The following PPP2R2B variants were observed in gnomAD, a reference collection of about 807,000 sequenced individuals.
PPP2R2B encodes protein phosphatase 2 regulatory subunit Bbeta.
In PPP2R2B, 5 loss-of-function variants were observed where a neutral mutation model predicts 46.0. The ratio of observed to expected loss-of-function variants is 0.11; its 90% CI spans 0.06 to 0.23. The LOEUF is 0.23. Among genes scored for constraint, PPP2R2B ranks in the 10% least tolerant of loss-of-function variants. The probability of loss-of-function intolerance (pLI) is 1.00; values close to 1 mark genes in which losing one functional copy is unlikely to be tolerated. For synonymous variants in PPP2R2B, 215 were observed against 206.7 expected (o/e 1.04, Z -0.34); for missense variants, 367 against 575.0 (o/e 0.64, Z 3.70).
chr5:146,598,962 G>A (rs1771508218), intron 8 of PPP2R2B, among the ~76,000 whole-genome samples: 3 of 152,114 alleles, frequency 2.0e-5, no homozygotes, highest in Non-Finnish European at 4.4e-5. Context: ...CACTTTGAAA[G>A]GCTGATTATT....
At position 146,590,179 on chromosome 5, in the gene PPP2R2B, C is replaced by T. The variant is rs1348897020; in HGVS notation, c.1100G>A (p.Arg367Lys). Residue 367 changes from arginine to lysine, a missense_variant, in exon 10 of 10, where the codon AGA (arginine) becomes AAA (lysine). By Grantham distance (26) the Arg-to-Lys change is conservative. Around this residue, in one of 2 missense-constraint regions of PPP2R2B, gnomAD observed 361 missense variants for 545.5 expected, o/e 0.66. Transcript: ENST00000394411. ...SYNNFFRMFD[R>K]NTKRDVTLEA... ...AAGGGTCACATCACGCTTGGTGTTTCTGTCGAACATCCTGAAGAAGTTGTT... is the reference window on the plus strand; with the variant it reads ...AAGGGTCACATCACGCTTGGTGTTTTTGTCGAACATCCTGAAGAAGTTGTT... The T allele has an allele frequency of 6.2e-6, 10 of 1,613,670 alleles. No homozygotes were observed. Among genetic ancestry groups the T allele is most frequent in the Non-Finnish European group, 8.5e-6 (10 of 1,180,002 alleles).
At chr5:147,057,188 C>T (rs1218244423), upstream of PPP2R2B, among the ~76,000 whole-genome samples, 1 of 152,198 alleles carries the variant, frequency 6.6e-6, no homozygotes, top group Non-Finnish European at 1.5e-5. Context: ...CACCAGTATG[C>T]CACTTCTCTG....
At chr5:146,931,383 C>T (rs1238756939) in intron 1 of PPP2R2B, among the ~76,000 whole-genome samples, 1 of 152,080 alleles carries the variant, frequency 6.6e-6, no homozygotes, top group Non-Finnish European at 1.5e-5. Flanking sequence ...TCACAATAGG[C>T]CTTCTTGGAA....
At chr5:146,969,857 T>C (rs1313103064) in intron 1 of PPP2R2B, among the ~76,000 whole-genome samples, 3 of 152,198 alleles carry the variant, frequency 2.0e-5, no homozygotes, top group Admixed American at 6.5e-5. Flanking sequence ...TGAGTTCTCT[T>C]TTAGATGGAT....
At chr5:146,873,328 A>G (rs1398455887) in intron 2 of PPP2R2B, among the ~76,000 whole-genome samples, 1 of 152,108 alleles carries the variant, frequency 6.6e-6, no homozygotes, top group South Asian at 2.1e-4. Context: ...CCCAACTTTC[A>G]TTCTTTTTCA....
At position 146,915,846 on chromosome 5, in the gene PPP2R2B, AT is replaced by A. The variant is rs201288645; in HGVS notation, c.79+139818del. Among the ~76,000 whole-genome samples, 125 of 152,328 alleles carry A rather than the reference AT, an allele frequency of 8.2e-4. No homozygotes were observed. In the East Asian group the frequency reaches 0.022, roughly 26 times the overall value. The stretch of plus-strand genomic sequence containing the variant: ...AAAATCATTAACCAAGACAAAAAAA[AT>A]CAATTTCAACACTGTTACAACATCT... On this transcript the variant is annotated intron_variant, in intron 1 of 8. Coordinates refer to the PPP2R2B transcript ENST00000336640.
chr5:146,589,946 C>A lies in PPP2R2B; in HGVS notation c.*1G>T. On this transcript the variant is annotated 3_prime_UTR_variant, in exon 10 of 10. Transcript: ENST00000394411. ...AGATTATTAAGTAATAACTTGTCCA[C>A]CTAGTTAACCTTGTCCTGGAATATA... 6.2e-7 allele frequency: 1 copy of A among 1,611,462 alleles called. No individual in the cohort carries two copies. The highest frequency in any genetic ancestry group is 8.5e-7 in the Non-Finnish European group (1 of 1,177,710).
At chr5:146,798,070 C>G (rs1756651025) in intron 2 of PPP2R2B, among the ~76,000 whole-genome samples, 1 of 152,158 alleles carries the variant, frequency 6.6e-6, no homozygotes, top group African/African-American at 2.4e-5. Context: ...TTAGTCTCCT[C>G]CTCAGGAGCT....
At chr5:146,621,872 G>A (rs1289005681) in intron 7 of PPP2R2B, among the ~76,000 whole-genome samples, 2 of 152,336 alleles carry the variant, frequency 1.3e-5, no homozygotes, top group South Asian at 4.1e-4. Flanking sequence ...GGAGAGACAG[G>A]TTGTACTTGG....
At chr5:146,649,504 G>C (rs1314130376) in intron 6 of PPP2R2B, among the ~76,000 whole-genome samples, 1 of 151,146 alleles carries the variant, frequency 6.6e-6, no homozygotes, top group East Asian at 1.9e-4. Flanking sequence ...GAGTGCAGTG[G>C]TACGATCTCG....
At chr5:146,609,966 C>T (rs1396052089) in intron 7 of PPP2R2B, among the ~76,000 whole-genome samples, 2 of 143,894 alleles carry the variant, frequency 1.4e-5, no homozygotes, top group African/African-American at 2.8e-5. Flanking sequence ...ACAAAGCAGC[C>T]GGGAAGCTCG....
chr5:146,615,390 A>G (rs1405400009), intron 7 of PPP2R2B, among the ~76,000 whole-genome samples: 2 of 110,436 alleles, frequency 1.8e-5, no homozygotes, highest in Non-Finnish European at 3.6e-5. Context: ...ATTGGGAGAT[A>G]TACCTAATGC....
At chr5:146,699,912 A>G (rs1447194329) in intron 3 of PPP2R2B, among the ~76,000 whole-genome samples, 2 of 152,134 alleles carry the variant, frequency 1.3e-5, no homozygotes, top group Admixed American at 1.3e-4. Context: ...ATTCCAGGTC[A>G]TGAAGAGCTA....
chr5:146,676,334 A>G lies in PPP2R2B; in HGVS notation c.447+14794T>C, dbSNP rs1002163693. Among the ~76,000 whole-genome samples the G allele has an allele frequency of 3.3e-5, 5 of 152,024 alleles. No individual in the cohort carries two copies. In the East Asian group the frequency reaches 7.7e-4, roughly 24 times the overall value. On this transcript the variant is annotated intron_variant, in intron 5 of 9. Coordinates refer to ENST00000394411, the MANE Select transcript of PPP2R2B (RefSeq NM_181675.4). The stretch of plus-strand genomic sequence containing the variant: ...AAAAGCGAGTTCCTTAACAAGACCT[A>G]TGGTGCCCAGCATGATCTGGCCATA...
chr5:146,791,340 C>T (rs190304810), intron 2 of PPP2R2B, among the ~76,000 whole-genome samples: 1 of 152,216 alleles, frequency 6.6e-6, no homozygotes, highest in Admixed American at 6.5e-5. Flanking sequence ...CAGTGTCGAT[C>T]CCCCCTTTTT....
At chr5:146,976,606 A>T (rs1008512767) in intron 1 of PPP2R2B, among the ~76,000 whole-genome samples, 12 of 152,196 alleles carry the variant, frequency 7.9e-5, no homozygotes, top group Non-Finnish European at 1.6e-4. Context: ...TCAATTTGTA[A>T]CATTATTTTG....
intron 2 of PPP2R2B, among the ~76,000 whole-genome samples, chr5:146,729,697 G>A (rs1340073796): frequency 6.6e-6 from 1 of 152,246 alleles, no homozygotes; most frequent in African/African-American, 2.4e-5. Context: ...TGCGGTTTCA[G>A]AAGGTGGAAG....
chr5:146,713,532 T>C (rs904900412), intron 2 of PPP2R2B, among the ~76,000 whole-genome samples: 14 of 152,210 alleles, frequency 9.2e-5, no homozygotes, highest in African/African-American at 3.4e-4. Context: ...TGACTGCTTT[T>C]ACAAGACTCA....
At chr5:146,907,758 C>T (rs540543683) in intron 1 of PPP2R2B, among the ~76,000 whole-genome samples, 71 of 152,338 alleles carry the variant, frequency 4.7e-4, no homozygotes, top group African/African-American at 1.5e-3. Flanking sequence ...TGAAATCCTA[C>T]ACTACTTTAC....
Sources: allele counts gnomAD v4.1 joint callset (sites outside exome capture counted in the v4.1 genomes callset), GRCh38; gene constraint gnomAD v4.1.1; regional missense constraint gnomAD v4.1.1; transcripts MANE v1.5; gene names NCBI Gene and HGNC (gene_info 2026-07-23, HGNC 2026-07-21).